The following PSMD1 variants were observed in gnomAD, a reference collection of about 807,000 sequenced individuals.
The protein encoded by PSMD1 is 26S proteasome non-ATPase regulatory subunit 1.
Under a neutral mutation model 119.0 loss-of-function variants are expected in PSMD1, and 18 were observed. The ratio of observed to expected loss-of-function variants is 0.15; its 90% CI spans 0.10 to 0.22. The LOEUF (loss-of-function observed/expected upper bound fraction) is 0.22. Ranked by LOEUF, PSMD1 falls within the 10% of genes least tolerant of loss-of-function variation. The probability of loss-of-function intolerance (pLI) is 1.00; values close to 1 mark genes in which losing one functional copy is unlikely to be tolerated. For synonymous variants in PSMD1, 374 were observed against 396.6 expected, an observed-to-expected ratio of 0.94 and a Z score of 0.68; for missense variants, 702 against 1,158.5, an observed-to-expected ratio of 0.61 and a Z score of 5.72.
intron 16 of PSMD1, chr2:231,113,785 T>C (rs1405978722): frequency 1.2e-6 from 2 of 1,614,162 alleles, no homozygotes; most frequent in Admixed American, 1.7e-5. Flanking sequence ...CCGTGAGTTA[T>C]ATTGATTGGC....
At chr2:231,148,499 A>G (rs769581519) in intron 18 of PSMD1, among the ~76,000 whole-genome samples, 25 of 152,240 alleles carry the variant, frequency 1.6e-4, no homozygotes, top group Non-Finnish European at 2.1e-4. Context: ...TGGTGCAGAT[A>G]CATGGGGCAC....
rs1331978423 is a variant in PSMD1, at chr2:231,146,224, T to C, written c.1999-16T>C. 2 of 1,570,334 alleles carry C rather than the reference T, an allele frequency of 1.3e-6. No individual in the cohort carries two copies. The highest frequency in any genetic ancestry group is 4.5e-5 in the East Asian group (2 of 44,552). ...AACTTTATTTAAAAGTTGTGTGTTT[T>C]TTTAAATTCTTTCAGGAAGCCATTA... On this transcript the variant is annotated splice_polypyrimidine_tract_variant and intron_variant, in intron 17 of 24. Transcript: ENST00000308696.
At chr2:231,157,978 G>A (rs187450509) in intron 19 of PSMD1, among the ~76,000 whole-genome samples, 36 of 152,042 alleles carry the variant, frequency 2.4e-4, no homozygotes, top group Non-Finnish European at 3.7e-4. Flanking sequence ...CTGCAACTGC[G>A]TTAGAAAAAT....
chr2:231,168,963 G>A (rs1368584474), intron 23 of PSMD1, among the ~76,000 whole-genome samples: 1 of 152,128 alleles, frequency 6.6e-6, no homozygotes, highest in African/African-American at 2.4e-5. Context: ...TCCACCATGA[G>A]GCAAGAGGAA....
chr2:231,095,968 G>A (rs1443961784), intron 16 of PSMD1, among the ~76,000 whole-genome samples: 1 of 152,102 alleles, frequency 6.6e-6, no homozygotes, highest in Non-Finnish European at 1.5e-5. Context: ...TCCCTTTAAA[G>A]GCCACTGTTC....
intron 17 of PSMD1, among the ~76,000 whole-genome samples, chr2:231,143,911 A>G (rs1412972614): frequency 6.6e-6 from 1 of 152,196 alleles, no homozygotes; most frequent in Admixed American, 6.5e-5. Flanking sequence ...CATGAAATCA[A>G]TTCTAGTCTA....
chr2:231,143,233 GGTTTGGTTTGGTT>G (rs1696170901), intron 17 of PSMD1, among the ~76,000 whole-genome samples: 2 of 93,408 alleles, frequency 2.1e-5, no homozygotes, highest in African/African-American at 6.3e-5. Context: ...GGTTTGGTTT[GGTTTGGTTTGGTT>G]TAAGACAGAG....
chr2:231,073,731 A>G (rs1021187602), intron 7 of PSMD1, among the ~76,000 whole-genome samples: 1 of 151,966 alleles, frequency 6.6e-6, no homozygotes, highest in Non-Finnish European at 1.5e-5. Context: ...ATGTTCTTAT[A>G]TCCCTAAGTA....
intron 16 of PSMD1, among the ~76,000 whole-genome samples, chr2:231,136,935 T>C (rs1695979029): frequency 6.9e-6 from 1 of 145,472 alleles, no homozygotes; most frequent in Non-Finnish European, 1.5e-5. Context: ...TTTATATATA[T>C]AATATATATT....
At chr2:231,061,823 A>G (rs1056388942) in intron 2 of PSMD1, among the ~76,000 whole-genome samples, 4 of 151,852 alleles carry the variant, frequency 2.6e-5, no homozygotes, top group African/African-American at 7.3e-5. Flanking sequence ...CCCCGCCTTG[A>G]CCTCCCAAAG....
At chr2:231,123,148 C>T (rs1384636117) in intron 16 of PSMD1, among the ~76,000 whole-genome samples, 3 of 151,970 alleles carry the variant, frequency 2.0e-5, no homozygotes, top group Non-Finnish European at 4.4e-5. Context: ...CTATAAATAT[C>T]ACTAACTTGA....
At chr2:231,132,896 C>T (rs148956376) in intron 16 of PSMD1, among the ~76,000 whole-genome samples, 122 of 152,122 alleles carry the variant, frequency 8.0e-4, no homozygotes, top group South Asian at 1.9e-3. Context: ...CTTGACTTGG[C>T]GGCAGATTAT....
chr2:231,167,483 A>G (rs752983542), intron 23 of PSMD1, among the ~76,000 whole-genome samples: 1 of 152,264 alleles, frequency 6.6e-6, no homozygotes, highest in African/African-American at 2.4e-5. Context: ...AGAGATAGCT[A>G]TAACAGTTGG....
At chr2:231,109,319 C>T (rs534171987) in intron 16 of PSMD1, 2 of 1,614,010 alleles carry the variant, frequency 1.2e-6, no homozygotes, top group Non-Finnish European at 1.7e-6. Flanking sequence ...CATGAAATCG[C>T]CAAAACGTTC....
intron 16 of PSMD1, chr2:231,123,444 CACAA>C (rs780431083): frequency 7.4e-6 from 12 of 1,613,822 alleles, no homozygotes; most frequent in Non-Finnish European, 1.0e-5. Flanking sequence ...CAATTGGCAT[CACAA>C]ACAATCCAAC....
chr2:231,163,802 C>A, intron 21 of PSMD1, 75 bp downstream of exon 21: 1 of 1,078,334 alleles, frequency 9.3e-7, no homozygotes, highest in Non-Finnish European at 1.4e-6. Flanking sequence ...TTTTCTTTAA[C>A]TATCTTTTAT....
At chr2:231,065,284 T>G (rs924253420) in intron 4 of PSMD1, among the ~76,000 whole-genome samples, 2 of 146,508 alleles carry the variant, frequency 1.4e-5, no homozygotes, top group African/African-American at 5.4e-5. Flanking sequence ...TTGTTTTTTT[T>G]GTTTTTTTGT....
At chr2:231,120,860 A>G (rs996389509) in intron 16 of PSMD1, among the ~76,000 whole-genome samples, 1 of 152,254 alleles carries the variant, frequency 6.6e-6, no homozygotes, top group African/African-American at 2.4e-5. Context: ...CTACAATAAG[A>G]GTGTAAAGTC....
rs146627666 is a variant in PSMD1, at chr2:231,061,318, T to A, written c.60+8T>A. On this transcript the variant is annotated splice_region_variant and intron_variant, in intron 2 of 24. Transcript: ENST00000308696. ...GATGAACCACAGCTTAAGGTATGAA[T>A]TGAAGAATAAGTAACTAGGCTTAGT... 154 of 1,581,910 alleles carry A rather than the reference T, an allele frequency of 9.7e-5. No individual in the cohort carries two copies. The highest frequency in any genetic ancestry group is 8.3e-4 in the Admixed American group (49 of 58,704).
Sources: allele counts gnomAD v4.1 joint callset (sites outside exome capture counted in the v4.1 genomes callset), GRCh38; gene constraint gnomAD v4.1.1; transcripts MANE v1.5; gene names NCBI Gene and HGNC (gene_info 2026-07-23, HGNC 2026-07-21).